Variants in CNTNAP2 observed in about 807,000 individuals in gnomAD.
CNTNAP2 encodes the protein contactin-associated protein-like 2.
Under a neutral mutation model 155.2 loss-of-function variants are expected in CNTNAP2, and 98 were observed. The ratio of observed to expected loss-of-function variants is 0.63; its 90% CI spans 0.54 to 0.75. The LOEUF is 0.75. Among genes scored for constraint, CNTNAP2 ranks in the 30% least tolerant of loss-of-function variants. CNTNAP2 has a pLI of 0.00. For synonymous variants in CNTNAP2, 651 were observed against 631.2 expected (o/e 1.03, Z -0.47); for missense variants, 1,727 against 1,688.1 (o/e 1.02, Z -0.40).
At chr7:147,000,278 C>A (rs1269676187) in intron 3 of CNTNAP2, among the ~76,000 whole-genome samples, 1 of 151,894 alleles carries the variant, frequency 6.6e-6, no homozygotes, top group Non-Finnish European at 1.5e-5. Flanking sequence ...TTTCTTCATA[C>A]CTTTAGCTGT....
At chr7:147,330,306 C>T (rs140334139) in intron 9 of CNTNAP2, among the ~76,000 whole-genome samples, 26 of 152,224 alleles carry the variant, frequency 1.7e-4, no homozygotes, top group South Asian at 1.0e-3. Flanking sequence ...ACTACTCCCC[C>T]GGTGCCTCCC....
chr7:148,364,945 C>G (rs1430934033), intron 21 of CNTNAP2, among the ~76,000 whole-genome samples: 13 of 152,148 alleles, frequency 8.5e-5, no homozygotes, highest in Non-Finnish European at 1.8e-4. Flanking sequence ...CTTCACTCCT[C>G]AGCCAGCAAG....
Position 148,257,333 on chromosome 7 carries a change from G to A in CNTNAP2, c.3382-9700G>A, listed in dbSNP as rs775987463. On this transcript the variant is annotated intron_variant, in intron 20 of 23. Coordinates refer to ENST00000361727, the MANE Select transcript of CNTNAP2 (RefSeq NM_014141.6). ...AAACACACCAGGCACCTCCAGGACC[G>A]GCATGCATCGCTAACCCAGTGACAA... 3.3e-5 allele frequency among the ~76,000 whole-genome samples: 5 copies of A among 152,202 alleles called. No homozygotes were observed. In the South Asian group the frequency reaches 6.2e-4, roughly 19 times the overall value.
intron 3 of CNTNAP2, among the ~76,000 whole-genome samples, chr7:146,900,767 G>A (rs557321319): frequency 5.3e-5 from 8 of 152,174 alleles, no homozygotes; most frequent in African/African-American, 1.9e-4. Context: ...CTATCCGAGC[G>A]CAGAATACTT....
chr7:146,790,242 G>A (rs999444697), intron 2 of CNTNAP2, among the ~76,000 whole-genome samples: 3 of 152,088 alleles, frequency 2.0e-5, no homozygotes, highest in Non-Finnish European at 4.4e-5. Context: ...CATTGATGAT[G>A]GAAAATAATT....
chr7:147,138,385 A>G (rs992584227), intron 8 of CNTNAP2, among the ~76,000 whole-genome samples: 1 of 151,974 alleles, frequency 6.6e-6, no homozygotes, highest in African/African-American at 2.4e-5. Flanking sequence ...TATCTAAAAC[A>G]TATTTTGCTG....
rs1805121642 is a variant in CNTNAP2, at chr7:147,284,173, C to T, written c.1349-15968C>T. On this transcript the variant is annotated intron_variant, in intron 8 of 23. Transcript: ENST00000361727. ...TGCCCTAAATAACGTGTTTTTTTCC[C>T]CCCAAATCAATACATCATCATTGGT... Among the ~76,000 whole-genome samples the T allele has an allele frequency of 2.6e-5, 4 of 151,490 alleles. No individual in the cohort carries two copies. The South Asian group carries it at 8.3e-4, about 32-fold the overall frequency.
intron 18 of CNTNAP2, among the ~76,000 whole-genome samples, chr7:148,181,595 C>T (rs1484845295): frequency 6.6e-6 from 1 of 152,024 alleles, no homozygotes; most frequent in Non-Finnish European, 1.5e-5. Context: ...AAAACCTGGC[C>T]AATTAACTTT....
chr7:147,076,679 A>T (rs1048518056), intron 4 of CNTNAP2, among the ~76,000 whole-genome samples: 1 of 152,204 alleles, frequency 6.6e-6, no homozygotes, highest in African/African-American at 2.4e-5. Context: ...TAAAAAGTCA[A>T]CCAAAGACTT....
intron 18 of CNTNAP2, among the ~76,000 whole-genome samples, chr7:148,197,447 G>C (rs1164314276): frequency 5.3e-5 from 8 of 152,058 alleles, no homozygotes; most frequent in Non-Finnish European, 8.8e-5. Context: ...GGTCACCCAA[G>C]AAGAAAAATT....
At chr7:147,314,412 A>G (rs1795188545) in intron 9 of CNTNAP2, among the ~76,000 whole-genome samples, 1 of 141,908 alleles carries the variant, frequency 7.0e-6, no homozygotes, top group South Asian at 2.3e-4. Flanking sequence ...CATTCACTGA[A>G]GTTAAATACA....
At chr7:146,857,910 G>A (rs1442094406) in intron 3 of CNTNAP2, among the ~76,000 whole-genome samples, 1 of 152,034 alleles carries the variant, frequency 6.6e-6, no homozygotes, top group Non-Finnish European at 1.5e-5. Context: ...TGAAGGGGGT[G>A]ATAAGAATTT....
intron 15 of CNTNAP2, among the ~76,000 whole-genome samples, chr7:148,051,622 C>A (rs1016868611): frequency 6.6e-6 from 1 of 152,080 alleles, no homozygotes; most frequent in African/African-American, 2.4e-5. Context: ...GAACGGGGAT[C>A]CTGCAGTGTA....
At chr7:146,549,354 G>A (rs1446694679) in intron 1 of CNTNAP2, among the ~76,000 whole-genome samples, 2 of 151,684 alleles carry the variant, frequency 1.3e-5, no homozygotes, top group Non-Finnish European at 2.9e-5. Context: ...TATCTTATTT[G>A]TTTATATTGA....
At chr7:147,729,743 C>T (rs545307303) in intron 13 of CNTNAP2, among the ~76,000 whole-genome samples, 1 of 152,140 alleles carries the variant, frequency 6.6e-6, no homozygotes, top group Admixed American at 6.6e-5. Context: ...GCAGGTTGTA[C>T]TTCAGGCAGT....
intron 1 of CNTNAP2, among the ~76,000 whole-genome samples, chr7:146,653,984 A>G (rs1226109254): frequency 6.6e-6 from 1 of 152,052 alleles, no homozygotes; most frequent in Non-Finnish European, 1.5e-5. Flanking sequence ...ACTGTTGGGT[A>G]AGAAATTATA....
intron 9 of CNTNAP2, among the ~76,000 whole-genome samples, chr7:147,335,426 A>G (rs990500255): frequency 6.6e-6 from 1 of 152,156 alleles, no homozygotes; most frequent in African/African-American, 2.4e-5. Context: ...CATTTTTAGT[A>G]AGCTACTAAT....
chr7:146,284,001 A>T (rs949716600), intron 1 of CNTNAP2, among the ~76,000 whole-genome samples: 1 of 152,228 alleles, frequency 6.6e-6, no homozygotes, highest in Non-Finnish European at 1.5e-5. Flanking sequence ...TCTTTGTCAC[A>T]TCATGAGGTA....
intron 8 of CNTNAP2, among the ~76,000 whole-genome samples, chr7:147,195,632 A>T (rs1227657754): frequency 6.6e-6 from 1 of 152,042 alleles, no homozygotes; most frequent in Non-Finnish European, 1.5e-5. Flanking sequence ...GAGGTCCTTC[A>T]TGTCCCTTGT....
Sources: allele counts gnomAD v4.1 joint callset (sites outside exome capture counted in the v4.1 genomes callset), GRCh38; gene constraint gnomAD v4.1.1; transcripts MANE v1.5; gene names NCBI Gene and HGNC (gene_info 2026-07-23, HGNC 2026-07-21).